CCDC73: variants seen among roughly 807,000 people sequenced by gnomAD.
CCDC73 encodes the protein coiled-coil domain containing 73, also known as coiled-coil domain-containing protein 73.
Under a neutral mutation model 116.5 loss-of-function variants are expected in CCDC73, and 95 were observed. That is an observed-to-expected ratio of 0.82 (90% confidence interval 0.69 to 0.97). The LOEUF (loss-of-function observed/expected upper bound fraction) is 0.97, where lower values mean the gene tolerates loss of function less well. Among genes scored for constraint, CCDC73 ranks in the 50% least tolerant of loss-of-function variants. The pLI is 0.00. For synonymous variants in CCDC73, 398 were observed against 401.3 expected, an observed-to-expected ratio of 0.99 and a Z score of 0.10; for missense variants, 1,066 against 1,206.8, an observed-to-expected ratio of 0.88 and a Z score of 1.73.
At chr11:32,804,184 G>T in the CCDC73 span, among the ~76,000 whole-genome samples, 72 of 152,098 alleles carry the variant, frequency 4.7e-4, 1 homozygote, top group African/African-American at 1.7e-3. Context: ...TGTTGCCCAG[G>T]CTGGAGTGCA....
chr11:32,759,169 T>C (rs1850368681), intron 2 of CCDC73, among the ~76,000 whole-genome samples: 1 of 151,842 alleles, frequency 6.6e-6, no homozygotes, highest in Admixed American at 6.6e-5. Flanking sequence ...TATATCCTTA[T>C]TGCAATAGTT....
At chr11:32,802,827 A>T in the CCDC73 span, among the ~76,000 whole-genome samples, 1 of 151,968 alleles carries the variant, frequency 6.6e-6, no homozygotes, top group African/African-American at 2.4e-5. Flanking sequence ...ATCTCAGCTC[A>T]CTGCAGCCTC....
intron 6 of CCDC73, among the ~76,000 whole-genome samples, chr11:32,691,218 G>C (rs1009740652): frequency 1.3e-5 from 2 of 151,812 alleles, no homozygotes; most frequent in Admixed American, 1.3e-4. Context: ...TCAAATTTTT[G>C]TATTTTTAGT....
chr11:32,635,676 A>G lies in CCDC73; in HGVS notation c.1185+20T>C. Reference sequence around the variant, plus strand: ...TAATTTCTTTGATAGTTTGTACCCCACAACATACTTAAATTTTACCTGAAA... The same window carrying G: ...TAATTTCTTTGATAGTTTGTACCCCGCAACATACTTAAATTTTACCTGAAA... On this transcript the variant is annotated intron_variant, in intron 14 of 17. Coordinates refer to ENST00000335185, the MANE Select transcript of CCDC73 (RefSeq NM_001008391.4). 7.8e-7 allele frequency: 1 copy of G among 1,283,758 alleles called. No homozygotes were observed. The highest frequency in any genetic ancestry group is 1.0e-6 in the Non-Finnish European group (1 of 998,028). 79.5% of individuals were successfully genotyped at this position (1,283,758 alleles called of 1,614,324 possible). A position where few individuals can be genotyped will look rare whatever the true frequency, so the allele number is the denominator to read the frequency against.
chr11:32,697,619 G>A (rs570509246), intron 6 of CCDC73, among the ~76,000 whole-genome samples: 16 of 151,748 alleles, frequency 1.1e-4, no homozygotes, highest in South Asian at 6.3e-4. Context: ...GAGCAGCTGG[G>A]ACTAGAGGCG....
chr11:32,697,481 C>CTTTTT (rs771837421), intron 6 of CCDC73, among the ~76,000 whole-genome samples: 17 of 108,770 alleles, frequency 1.6e-4, no homozygotes, highest in Middle Eastern at 6.8e-3. Flanking sequence ...TCTCTTTATT[C>CTTTTT]TTTTTTTTTT....
At chr11:32,702,247 G>T (rs1020157609) in intron 4 of CCDC73, among the ~76,000 whole-genome samples, 2 of 152,188 alleles carry the variant, frequency 1.3e-5, no homozygotes, top group East Asian at 1.9e-4. Flanking sequence ...TATTTTACAT[G>T]AGCACATTTT....
chr11:32,754,349 C>G (rs1384714441), intron 2 of CCDC73, among the ~76,000 whole-genome samples: 1 of 151,996 alleles, frequency 6.6e-6, no homozygotes, highest in Non-Finnish European at 1.5e-5. Flanking sequence ...AAATGAATTA[C>G]ACAGAACTCA....
the CCDC73 span, among the ~76,000 whole-genome samples, chr11:32,826,816 C>T: frequency 3.9e-5 from 6 of 152,048 alleles, no homozygotes; most frequent in Middle Eastern, 3.2e-3. Context: ...TCTGTGAGAA[C>T]ACTTAAAATG....
chr11:32,620,717 A>G (rs1432286624), intron 14 of CCDC73, among the ~76,000 whole-genome samples: 1 of 151,822 alleles, frequency 6.6e-6, no homozygotes, highest in African/African-American at 2.4e-5. Context: ...GGAGGGGATT[A>G]TAAAAGAGCA....
chr11:32,700,773 T>C lies in CCDC73; in HGVS notation c.315+18A>G. On this transcript the variant is annotated intron_variant, in intron 5 of 17. Transcript: ENST00000335185. ...ATACTTTTTAATAGACAGAAAATTT[T>C]AAAAAAATTATAAATACCTTTTCTT... 1.5e-6 allele frequency: 2 copies of C among 1,302,038 alleles called. No individual in the cohort carries two copies. Among genetic ancestry groups the C allele is most frequent in the East Asian group, 2.6e-5 (1 of 38,874 alleles). The allele number at this position is 1,302,038 out of a possible 1,614,324, so 80.7% of individuals were successfully genotyped here.
intron 17 of CCDC73, among the ~76,000 whole-genome samples, chr11:32,608,911 G>A (rs1199484303): frequency 6.6e-6 from 1 of 152,140 alleles, no homozygotes; most frequent in Non-Finnish European, 1.5e-5. Flanking sequence ...GCTGTGACTT[G>A]GCTCCTTTTA....
chr11:32,660,288 C>T (rs971730174), intron 9 of CCDC73, among the ~76,000 whole-genome samples: 2 of 144,016 alleles, frequency 1.4e-5, no homozygotes, highest in African/African-American at 2.6e-5. Context: ...TTTCAAATCA[C>T]GCCCTGAGAA....
chr11:32,761,987 C>T (rs1416682102), intron 1 of CCDC73, among the ~76,000 whole-genome samples: 1 of 152,174 alleles, frequency 6.6e-6, no homozygotes, highest in East Asian at 1.9e-4. Context: ...ATGAGGCCCA[C>T]CCACATTATG....
intron 1 of CCDC73, among the ~76,000 whole-genome samples, chr11:32,765,607 T>G (rs1410327906): frequency 6.6e-6 from 1 of 152,174 alleles, no homozygotes; most frequent in East Asian, 1.9e-4. Context: ...GGGACACATT[T>G]AAAGCAGTGT....
chr11:32,651,481 A>C (rs114363529), intron 12 of CCDC73, among the ~76,000 whole-genome samples: 7,287 of 152,206 alleles, frequency 0.048, 195 homozygotes, highest in African/African-American at 0.064. Context: ...GTCAAACTGC[A>C]CCAGTGGCAG....
chr11:32,794,819 T>C (rs1029055201), upstream of CCDC73, among the ~76,000 whole-genome samples: 9 of 152,164 alleles, frequency 5.9e-5, no homozygotes, highest in African/African-American at 2.2e-4. Context: ...AAGTACAACA[T>C]GTATTGGCTT....
At chr11:32,764,950 C>T (rs952199255) in intron 1 of CCDC73, among the ~76,000 whole-genome samples, 15 of 152,026 alleles carry the variant, frequency 9.9e-5, no homozygotes, top group African/African-American at 3.4e-4. Context: ...CAAAAAAAAG[C>T]AGGGGTTGCA....
At chr11:32,813,052 GTTGT>G in the CCDC73 span, among the ~76,000 whole-genome samples, 4 of 151,952 alleles carry the variant, frequency 2.6e-5, no homozygotes, top group East Asian at 1.9e-4. Context: ...TTTTAATTAG[GTTGT>G]TTGTCTTTTT....
Sources: allele counts gnomAD v4.1 joint callset (sites outside exome capture counted in the v4.1 genomes callset), GRCh38; gene constraint gnomAD v4.1.1; transcripts MANE v1.5; gene names NCBI Gene and HGNC (gene_info 2026-07-23, HGNC 2026-07-21).